ECT2L: variants seen among roughly 807,000 people sequenced by gnomAD.
ECT2L encodes the protein epithelial cell-transforming sequence 2 oncogene-like.
ECT2L carries 126 observed loss-of-function variants against 122.8 expected under a neutral mutation model. The observed-to-expected ratio is 1.03, with a 90% confidence interval of 0.89 to 1.19. The LOEUF is 1.19. Among genes scored for constraint, ECT2L ranks in the 50% most tolerant of loss-of-function variants. The pLI is 0.00. For synonymous variants in ECT2L, 385 were observed against 381.8 expected, an observed-to-expected ratio of 1.01 and a Z score of -0.10; for missense variants, 1,012 against 1,064.1, an observed-to-expected ratio of 0.95 and a Z score of 0.68.
At chr6:138,841,369 G>T (rs1016927543) in intron 5 of ECT2L, among the ~76,000 whole-genome samples, 1 of 152,164 alleles carries the variant, frequency 6.6e-6, no homozygotes, top group Non-Finnish European at 1.5e-5. Context: ...CCTCCAGAGA[G>T]AATTTACTTT....
At position 138,849,306 on chromosome 6, in the gene ECT2L, T is replaced by C. The variant is rs200148930; in HGVS notation, c.941T>C (p.Val314Ala). 1.2e-5 allele frequency: 20 copies of C among 1,613,428 alleles called. No homozygotes were observed. Among genetic ancestry groups the C allele is most frequent in the Admixed American group, 6.7e-5 (4 of 59,894 alleles). The change falls in exon 9 of 22, where the codon GTG (valine) becomes GCG (alanine). Residue 314 changes from valine (V) to alanine (A), a missense_variant. Physicochemically the swap from Val to Ala is moderately conservative, Grantham distance 64 (BLOSUM62 0). Transcript: ENST00000541398. ...MESVKAGVVS[V>A]VYEHSVTLES... is the part of the protein sequence containing the mutation. ...AGTGTGAAGGCTGGTGTTGTTTCTG[T>C]GGTATATGAACACAGCGTAACCTTG...
intron 1 of ECT2L, among the ~76,000 whole-genome samples, chr6:138,798,843 G>T (rs1775433281): frequency 6.6e-6 from 1 of 152,172 alleles, no homozygotes; most frequent in East Asian, 1.9e-4. Context: ...AGGAGTATGT[G>T]CCTGTAATAA....
intron 14 of ECT2L, among the ~76,000 whole-genome samples, chr6:138,878,189 A>G (rs927656662): frequency 2.6e-5 from 4 of 152,158 alleles, no homozygotes; most frequent in Non-Finnish European, 5.9e-5. Flanking sequence ...TGCCCTACAT[A>G]TAAGAGGTAT....
At chr6:138,822,661 G>A (rs1402015476) in intron 4 of ECT2L, 30 of 1,224,208 alleles carry the variant, frequency 2.5e-5, no homozygotes, top group Non-Finnish European at 3.0e-5. Context: ...CAAGATGGCC[G>A]AATAGGAACA....
chr6:138,854,222 T>C (rs1777540877), intron 10 of ECT2L, 68 bp downstream of exon 10: 2 of 1,492,384 alleles, frequency 1.3e-6, no homozygotes, highest in African/African-American at 1.4e-5. Context: ...TGTGAATTAT[T>C]GAAGTGCCCC....
intron 10 of ECT2L, among the ~76,000 whole-genome samples, chr6:138,859,628 C>T (rs76327517): frequency 0.015 from 2,321 of 152,156 alleles, 42 homozygotes; most frequent in African/African-American, 0.048. Flanking sequence ...TTCCTAATGA[C>T]GAATGATGCT....
chr6:138,845,368 G>C (rs1777184016), intron 7 of ECT2L, among the ~76,000 whole-genome samples: 1 of 151,742 alleles, frequency 6.6e-6, no homozygotes, highest in South Asian at 2.1e-4. Context: ...TCAGCCTCCA[G>C]AGCAGGTGGG....
chr6:138,873,246 GA>G (rs1562485630), intron 13 of ECT2L, among the ~76,000 whole-genome samples: 6 of 151,866 alleles, frequency 4.0e-5, no homozygotes, highest in African/African-American at 7.3e-5. Flanking sequence ...AATCGAATTA[GA>G]AAAAAATACA....
At chr6:138,838,685 T>C (rs1776931662) in intron 5 of ECT2L, among the ~76,000 whole-genome samples, 171 bp downstream of exon 5, 1 of 152,240 alleles carries the variant, frequency 6.6e-6, no homozygotes, top group Non-Finnish European at 1.5e-5. Context: ...AATGTATTTC[T>C]ATAAATAAGG....
intron 13 of ECT2L, among the ~76,000 whole-genome samples, chr6:138,873,267 C>T (rs947946777): frequency 1.3e-5 from 2 of 152,140 alleles, no homozygotes; most frequent in African/African-American, 4.8e-5. Flanking sequence ...ATATTAGATT[C>T]TCATTTGATT....
rs748354960 is a variant in ECT2L at position 138,868,198 on chromosome 6, G to T, written c.1570G>T (p.Glu524Ter). Residue 524 changes from glutamate to a stop codon, truncating the protein, a stop_gained, in exon 13 of 22, where the codon GAA (glutamate) becomes TAA (stop). Coordinates refer to ENST00000541398, the MANE Select transcript of ECT2L (RefSeq NM_001077706.3). LOFTEE classifies it high-confidence loss of function. ...LADGLMELSK[E>*]DSERNVVEDN... ...AGATGGATTGATGGAGTTGTCAAAA[G>T]AAGATTCTGTAAGTGTTTCTTTGAA... 1 of 1,611,580 alleles carries T rather than the reference G, an allele frequency of 6.2e-7. No individual in the cohort carries two copies. Among genetic ancestry groups the T allele is most frequent in the Non-Finnish European group, 8.5e-7 (1 of 1,179,036 alleles).
chr6:138,900,303 G>A (rs1273866340), intron 20 of ECT2L, among the ~76,000 whole-genome samples: 9 of 151,814 alleles, frequency 5.9e-5, no homozygotes, highest in Non-Finnish European at 1.2e-4. Flanking sequence ...CTGGAGTGCA[G>A]TGGCGCAATC....
At chr6:138,847,815 C>T (rs1275709477) in intron 8 of ECT2L, among the ~76,000 whole-genome samples, 1 of 152,128 alleles carries the variant, frequency 6.6e-6, no homozygotes, top group Non-Finnish European at 1.5e-5. Context: ...TACATGTAGA[C>T]CTCTGTGTCT....
At chr6:138,808,726 TTTC>T (rs1165496699) in intron 1 of ECT2L, among the ~76,000 whole-genome samples, 2,081 of 89,644 alleles carry the variant, frequency 0.023, 48 homozygotes, top group African/African-American at 0.067. Flanking sequence ...TCCTTTCTCT[TTTC>T]TTTTTTTTTT....
chr6:138,877,763 GTC>G (rs762854771), intron 14 of ECT2L, among the ~76,000 whole-genome samples: 13 of 151,976 alleles, frequency 8.6e-5, no homozygotes, highest in Non-Finnish European at 1.3e-4. Flanking sequence ...GAAAAACCCT[GTC>G]TCTACAAAAA....
chr6:138,829,058 A>G (rs573482028), intron 4 of ECT2L, among the ~76,000 whole-genome samples: 54 of 148,598 alleles, frequency 3.6e-4, no homozygotes, highest in Non-Finnish European at 7.0e-4. Context: ...GAGTCTCACT[A>G]TGTTGCCCAG....
chr6:138,805,096 G>T (rs561636506), intron 1 of ECT2L, among the ~76,000 whole-genome samples: 2 of 152,246 alleles, frequency 1.3e-5, no homozygotes, highest in Non-Finnish European at 1.5e-5. Context: ...TATTTTATTC[G>T]CAGCTTCCTC....
At chr6:138,856,371 C>T (rs564587525) in intron 10 of ECT2L, among the ~76,000 whole-genome samples, 225 of 152,308 alleles carry the variant, frequency 1.5e-3, no homozygotes, top group Non-Finnish European at 2.8e-3. Context: ...TGTGCCACCA[C>T]ACCCGGCTAA....
intron 1 of ECT2L, among the ~76,000 whole-genome samples, chr6:138,797,213 A>T (rs1256753842): frequency 2.0e-5 from 3 of 152,210 alleles, no homozygotes; most frequent in African/African-American, 7.2e-5. Context: ...AATGTGGGAC[A>T]TTTAACTCAA....
Sources: allele counts gnomAD v4.1 joint callset (sites outside exome capture counted in the v4.1 genomes callset), GRCh38; gene constraint gnomAD v4.1.1; transcripts MANE v1.5; gene names NCBI Gene and HGNC (gene_info 2026-07-23, HGNC 2026-07-21).